PHIP: variants seen among roughly 807,000 people sequenced by gnomAD.
PHIP encodes PHIP subunit of CUL4-Ring ligase complex, also known as PH-interacting protein.
In PHIP, 54 loss-of-function variants were observed where a neutral mutation model predicts 236.8. That is an observed-to-expected ratio of 0.23 (90% confidence interval 0.18 to 0.29). PHIP has a LOEUF of 0.29. Ranked by LOEUF, PHIP falls within the 10% of genes least tolerant of loss-of-function variation. The probability of loss-of-function intolerance (pLI) is 1.00; values close to 1 mark genes in which losing one functional copy is unlikely to be tolerated. For synonymous variants in PHIP, 756 were observed against 718.9 expected (o/e 1.05, Z -0.83); for missense variants, 1,370 against 2,190.8 (o/e 0.63, Z 7.48).
intron 16 of PHIP, 127 bp downstream of exon 16, chr6:79,003,603 A>C: frequency 1.7e-6 from 1 of 598,452 alleles, no homozygotes; most frequent in Non-Finnish European, 2.7e-6. Context: ...CAGACTACTT[A>C]ACACAAGATT....
chr6:79,064,534 T>G (rs994356563), intron 4 of PHIP, among the ~76,000 whole-genome samples: 16 of 152,168 alleles, frequency 1.1e-4, no homozygotes, highest in Non-Finnish European at 2.2e-4. Flanking sequence ...TATCAATAAC[T>G]CCAATAAGCA....
intron 4 of PHIP, among the ~76,000 whole-genome samples, chr6:79,069,535 G>A (rs1292819641): frequency 1.3e-5 from 2 of 152,010 alleles, no homozygotes; most frequent in Non-Finnish European, 2.9e-5. Context: ...TTGTCTGAGG[G>A]CACACATTTG....
chr6:79,043,995 T>C (rs145548026), intron 6 of PHIP, among the ~76,000 whole-genome samples: 1 of 152,106 alleles, frequency 6.6e-6, no homozygotes, highest in East Asian at 1.9e-4. Context: ...AACATAAATA[T>C]ATTGGTTGTA....
chr6:79,031,371 A>T (rs1343556890), intron 7 of PHIP, among the ~76,000 whole-genome samples: 7 of 152,228 alleles, frequency 4.6e-5, no homozygotes, highest in African/African-American at 1.7e-4. Context: ...CCCTTAGCTT[A>T]TTTAAATCCC....
chr6:79,023,511 T>C (rs1319890640), intron 9 of PHIP, among the ~76,000 whole-genome samples: 2 of 151,986 alleles, frequency 1.3e-5, no homozygotes, highest in African/African-American at 4.8e-5. Context: ...AGAAAAAACT[T>C]TGAAGTCCAA....
chr6:78,996,551 T>C (rs1483801731), intron 19 of PHIP, among the ~76,000 whole-genome samples: 1 of 152,190 alleles, frequency 6.6e-6, no homozygotes, highest in African/African-American at 2.4e-5. Context: ...TAACTAAAAA[T>C]ATGCCATGTG....
intron 19 of PHIP, among the ~76,000 whole-genome samples, chr6:78,991,249 T>C (rs1769222952): frequency 6.6e-6 from 1 of 152,008 alleles, no homozygotes; most frequent in Non-Finnish European, 1.5e-5. Flanking sequence ...AAACCAAGTA[T>C]TAGATTCTGG....
At position 79,069,367 on chromosome 6, in the gene PHIP, A is replaced by C. The variant is rs1773781052; in HGVS notation, c.189+8081T>G. Among the ~76,000 whole-genome samples, 3 of 151,976 alleles carry C rather than the reference A, an allele frequency of 2.0e-5. No homozygotes were observed. The South Asian group carries it at 6.2e-4, about 32-fold the overall frequency. ...TCTATAATCTTTAAAGAAAGAATGC[A>C]TTTTCTGATTTTTTAACTGTAATAG... On this transcript the variant is annotated intron_variant, in intron 4 of 39. Transcript: ENST00000275034.
intron 19 of PHIP, among the ~76,000 whole-genome samples, chr6:78,995,431 A>G (rs765427840): frequency 6.6e-6 from 1 of 152,236 alleles, no homozygotes; most frequent in Non-Finnish European, 1.5e-5. Context: ...TTAGGATTTT[A>G]GGAAAGTGCA....
At chr6:78,947,880 A>C in intron 35 of PHIP, 105 bp from the exon 36 acceptor site, 1 of 695,328 alleles carries the variant, frequency 1.4e-6, no homozygotes, top group South Asian at 2.1e-5. Flanking sequence ...AAGTCCTAGA[A>C]CTCTTAATAA....
chr6:78,998,089 C>A (rs1362328526), intron 18 of PHIP, among the ~76,000 whole-genome samples, 165 bp downstream of exon 18: 1 of 152,096 alleles, frequency 6.6e-6, no homozygotes, highest in Admixed American at 6.6e-5. Flanking sequence ...CATTATGAAC[C>A]ATTTTCTTAG....
At chr6:78,988,459 A>G in intron 20 of PHIP, 110 bp from the exon 21 acceptor site, 1 of 720,790 alleles carries the variant, frequency 1.4e-6, no homozygotes, top group Non-Finnish European at 2.2e-6. Context: ...ATGGTGGCGC[A>G]TGCCTATAGT....
chr6:79,073,308 A>G (rs1313771848), intron 4 of PHIP, among the ~76,000 whole-genome samples: 2 of 151,868 alleles, frequency 1.3e-5, no homozygotes, highest in African/African-American at 4.8e-5. Flanking sequence ...TATTCATCAT[A>G]TAACCCTTCA....
At chr6:79,000,542 G>A (rs1372930332) in intron 17 of PHIP, among the ~76,000 whole-genome samples, 1 of 151,944 alleles carries the variant, frequency 6.6e-6, no homozygotes, top group African/African-American at 2.4e-5. Flanking sequence ...TAATTAATTA[G>A]CACTGATACT....
At chr6:78,942,462 G>A (rs1196963185) in intron 39 of PHIP, among the ~76,000 whole-genome samples, 1 of 152,102 alleles carries the variant, frequency 6.6e-6, no homozygotes, top group African/African-American at 2.4e-5. Context: ...CAGCCTGGGC[G>A]ACAAGAGGGA....
chr6:79,049,317 T>C (rs1031027053), intron 6 of PHIP, among the ~76,000 whole-genome samples: 1 of 152,094 alleles, frequency 6.6e-6, no homozygotes, highest in Non-Finnish European at 1.5e-5. Flanking sequence ...CTGCCTTAAC[T>C]TCCCAAAGTG....
chr6:78,978,471 A>G (rs550342854), intron 24 of PHIP, 121 bp downstream of exon 24: 1 of 626,798 alleles, frequency 1.6e-6, no homozygotes. Context: ...ATAGATACAA[A>G]TATCTAGAAT....
Position 78,946,248 on chromosome 6 carries a change from T to C in PHIP, c.4383A>G (p.Lys1461=), listed in dbSNP as rs758473437. 8 of 1,613,270 alleles carry C rather than the reference T, an allele frequency of 5.0e-6. No homozygotes were observed. In the East Asian group the frequency reaches 1.6e-4, roughly 31 times the overall value. ...TTAGCTGGGGTTTTAAGATCCTTTT[T>C]TTCCTTTCAGGGCTGTAAATAAAAT... The part of the protein sequence containing the change: ...SSSAASSPER[K]KRILKPQLKS... Residue 1461 remains lysine (K), a synonymous_variant, in exon 38 of 40, where the codon AAA becomes AAG. Transcript: ENST00000275034.
intron 32 of PHIP, chr6:78,957,721 C>T (rs374147477): frequency 6.6e-6 from 1 of 151,974 alleles, no homozygotes; most frequent in East Asian, 1.9e-4. Flanking sequence ...GACATGGAAT[C>T]ACAGCAGTCT....
Sources: allele counts gnomAD v4.1 joint callset (sites outside exome capture counted in the v4.1 genomes callset), GRCh38; gene constraint gnomAD v4.1.1; transcripts MANE v1.5; gene names NCBI Gene and HGNC (gene_info 2026-07-23, HGNC 2026-07-21).